The following IFI44 variants were observed in gnomAD, a reference collection of about 807,000 sequenced individuals.
The protein encoded by IFI44 is interferon induced protein 44, also known as interferon-induced protein 44.
Under a neutral mutation model 45.0 loss-of-function variants are expected in IFI44, and 42 were observed. The ratio of observed to expected loss-of-function variants is 0.93; its 90% confidence interval spans 0.73 to 1.21. IFI44 has a LOEUF of 1.21. Ranked by LOEUF, IFI44 falls within the 50% of genes most tolerant of loss-of-function variation. The probability of loss-of-function intolerance (pLI) is 0.00; values close to 1 mark genes in which losing one functional copy is unlikely to be tolerated. For missense variants in IFI44, 623 were observed against 525.8 expected, an observed-to-expected ratio of 1.18 and a Z score of -1.81; for synonymous variants, 221 against 188.6, an observed-to-expected ratio of 1.17 and a Z score of -1.41.
rs1037491414 is a variant in IFI44, at chr1:78,650,091, A to G, written c.-10-95A>G. 5 of 727,728 alleles carry G rather than the reference A, an allele frequency of 6.9e-6. No homozygotes were observed. In the Admixed American group the frequency reaches 1.6e-4, roughly 23 times the overall value. The allele number at this position is 727,728 out of a possible 1,614,324, so 45.1% of individuals were successfully genotyped here. ...CCTTTGTTTTGTCATTTTTTGTATT[A>G]TGTAGAGTATATAAGAGGCATAAAT... On this transcript the variant is annotated intron_variant, in intron 1 of 8. Transcript: ENST00000370747.
Position 78,649,909 on chromosome 1 carries a change from A to G in IFI44, c.-11+4A>G. 1 of 253,100 alleles carries G rather than the reference A, an allele frequency of 4.0e-6. No individual in the cohort carries two copies. Among genetic ancestry groups the G allele is most frequent in the Non-Finnish European group, 7.6e-6 (1 of 131,556 alleles). The allele number at this position is 253,100 out of a possible 1,614,324, so 15.7% of individuals were successfully genotyped here. A position where few individuals can be genotyped will look rare whatever the true frequency, so the allele number is the denominator to read the frequency against. On this transcript the variant is annotated splice_donor_region_variant and intron_variant, in intron 1 of 8. Transcript: ENST00000370747. ...GATACTACAGACAGTACAACAGGTA[A>G]ATGTCTTTCTGCTTTTCATTTTTCC...
chr1:78,657,714 G>T (rs61769988), intron 5 of IFI44, among the ~76,000 whole-genome samples: 1 of 151,968 alleles, frequency 6.6e-6, no homozygotes, highest in East Asian at 1.9e-4. Context: ...TTGCCTTTTT[G>T]CAAGACTTTG....
intron 7 of IFI44, among the ~76,000 whole-genome samples, chr1:78,661,153 C>G (rs1647428229): frequency 6.6e-6 from 1 of 152,152 alleles, no homozygotes. Flanking sequence ...ACCTCCGCCT[C>G]CTGGGTTCAA....
At chr1:78,652,052 C>T (rs1297261806) in intron 2 of IFI44, among the ~76,000 whole-genome samples, 1 of 151,810 alleles carries the variant, frequency 6.6e-6, no homozygotes, top group East Asian at 1.9e-4. Context: ...ACGACATTTT[C>T]AAGGCAGGCA....
At position 78,650,494 on chromosome 1, in the gene IFI44, T is replaced by C. The variant is rs755341190; in HGVS notation, c.299T>C (p.Leu100Pro). 3 of 1,613,896 alleles carry C rather than the reference T, an allele frequency of 1.9e-6. No homozygotes were observed. Among genetic ancestry groups the C allele is most frequent in the Non-Finnish European group, 2.5e-6 (3 of 1,179,912 alleles). ...WKLGLCTPET[L>P]FCCDVTKYNS... ...CTAGGACTATGTACACCAGAAACAC[T>C]GTTTTGTTGTGATGTTACAAAATAT... Residue 100 changes from leucine to proline, a missense_variant, in exon 2 of 9, where the codon CTG becomes CCG. Leu to Pro is a moderately conservative substitution (Grantham distance 98). Transcript: ENST00000370747.
Position 78,654,234 on chromosome 1 carries a change from T to G in IFI44, c.458-9T>G, listed in dbSNP as rs1557700608. 1 of 1,453,866 alleles carries G rather than the reference T, an allele frequency of 6.9e-7. No individual in the cohort carries two copies. The highest frequency in any genetic ancestry group is 1.2e-5 in the South Asian group (1 of 86,768). The allele number at this position is 1,453,866 out of a possible 1,614,324, so 90.1% of individuals were successfully genotyped here. A position where few individuals can be genotyped will look rare whatever the true frequency, so the allele number is the denominator to read the frequency against. On this transcript the variant is annotated splice_polypyrimidine_tract_variant and intron_variant, in intron 2 of 8. Coordinates refer to ENST00000370747, the MANE Select transcript of IFI44 (RefSeq NM_006417.5). ...TCTAATCTACATTATTCTTTGATTA[T>G]TTCCCCAGATTCACTGGATGAAAGA...
Position 78,663,827 on chromosome 1 carries a change from A to G in IFI44, c.*16A>G. The G allele has an allele frequency of 6.2e-7, 1 of 1,610,662 alleles. No homozygotes were observed. Among genetic ancestry groups the G allele is most frequent in the Non-Finnish European group, 8.5e-7 (1 of 1,178,590 alleles). On this transcript the variant is annotated 3_prime_UTR_variant, in exon 9 of 9. Transcript: ENST00000370747. ...AAAAAAATAGATATGTGAAAGGTTC[A>G]CGTAAATTTCCTCACATCACAGAAG...
intron 7 of IFI44, among the ~76,000 whole-genome samples, chr1:78,661,917 G>A (rs1175962110): frequency 6.6e-6 from 1 of 152,142 alleles, no homozygotes; most frequent in Non-Finnish European, 1.5e-5. Flanking sequence ...GGTTAGTGAA[G>A]GGCTGGATCT....
intron 7 of IFI44, among the ~76,000 whole-genome samples, chr1:78,661,079 T>G (rs1020520869): frequency 2.0e-5 from 3 of 152,216 alleles, no homozygotes; most frequent in African/African-American, 7.2e-5. Flanking sequence ...CAAAATTTAT[T>G]TTTTTGAGAT....
In IFI44 at chr1:78,655,463, G is replaced by C. The variant is rs751005596; in HGVS notation, c.792G>C (p.Arg264Ser). Residue 264 changes from arginine to serine, a missense_variant, in exon 5 of 9, where the codon AGG (arginine) becomes AGC (serine). Physicochemically the swap from Arg to Ser is moderately radical, Grantham distance 110. Transcript: ENST00000370747. ...GLSEKEGGLC[R>S]DDIFYILNGN... ...GTGAGAAAGAAGGCGGCCTGTGCAG[G>C]GATGACATATTCTATATCTTGAACG... 1.2e-6 allele frequency: 2 copies of C among 1,613,758 alleles called. No individual in the cohort carries two copies. The highest frequency in any genetic ancestry group is 3.3e-5 in the Admixed American group (2 of 59,994).
Position 78,659,365 on chromosome 1 carries a change from A to G in IFI44, c.894A>G (p.Pro298=). 1 of 1,613,478 alleles carries G rather than the reference A, an allele frequency of 6.2e-7. No homozygotes were observed. Among genetic ancestry groups the G allele is most frequent in the Non-Finnish European group, 8.5e-7 (1 of 1,179,472 alleles). ...KLNHHDYIDS[P]SLKDRIHCVA... ...ATCATCATGACTACATTGATTCCCCATCGCTGAAGGACAGAATTCATTGTG... is the reference window on the plus strand; with the variant it reads ...ATCATCATGACTACATTGATTCCCCGTCGCTGAAGGACAGAATTCATTGTG... The change falls in exon 6 of 9, where the codon CCA becomes CCG. Residue 298 remains proline, a synonymous_variant. Coordinates refer to ENST00000370747, the MANE Select transcript of IFI44 (RefSeq NM_006417.5).
intron 2 of IFI44, among the ~76,000 whole-genome samples, chr1:78,653,077 C>G (rs1030923932): frequency 6.6e-6 from 1 of 151,982 alleles, no homozygotes; most frequent in East Asian, 1.9e-4. Context: ...ATTTATTTTA[C>G]ATTTTAAAAT....
chr1:78,659,496 C>T lies in IFI44; in HGVS notation c.1012+13C>T. 1 of 1,603,010 alleles carries T rather than the reference C, an allele frequency of 6.2e-7. No homozygotes were observed. Among genetic ancestry groups the T allele is most frequent in the Middle Eastern group, 1.7e-4 (1 of 6,036 alleles). ...TTGGTAAACGCTGGTGAGTCTCATT[C>T]CACTTTGCTAAGGGTAATACCACTA... is the stretch of plus-strand genomic sequence containing the variant. On this transcript the variant is annotated intron_variant, in intron 6 of 8. Transcript: ENST00000370747.
chr1:78,653,866 T>C (rs1205649847), intron 2 of IFI44, among the ~76,000 whole-genome samples: 1 of 152,228 alleles, frequency 6.6e-6, no homozygotes, highest in Non-Finnish European at 1.5e-5. Context: ...AAATGTCTTA[T>C]TAGACATTCC....
At chr1:78,662,559 G>C in intron 7 of IFI44, 145 bp from the exon 8 acceptor site, 1 of 627,180 alleles carries the variant, frequency 1.6e-6, no homozygotes, top group Non-Finnish European at 2.8e-6. Flanking sequence ...TTCTTCAAGA[G>C]TACTTTGTGA....
intron 5 of IFI44, among the ~76,000 whole-genome samples, chr1:78,655,845 C>A (rs565113203): frequency 2.0e-5 from 3 of 152,190 alleles, no homozygotes; most frequent in African/African-American, 7.2e-5. Flanking sequence ...CTTCAGAGAT[C>A]CTTCTGACTT....
At position 78,655,059 on chromosome 1, in the gene IFI44, T is replaced by C; in HGVS notation, c.540T>C (p.Tyr180=). The C allele has an allele frequency of 6.2e-7, 1 of 1,613,906 alleles. No homozygotes were observed. The highest frequency in any genetic ancestry group is 8.5e-7 in the Non-Finnish European group (1 of 1,179,844). ...CTGCCTTGAGAACTTATGAACCATA[T>C]GGATCCCTGGTTCAACAAATACGAA... is the stretch of plus-strand genomic sequence containing the variant. ...LLSALRTYEP[Y]GSLVQQIRIL... The change falls in exon 4 of 9, where the codon TAT becomes TAC. Residue 180 remains tyrosine, a synonymous_variant. Transcript: ENST00000370747.
At chr1:78,650,825 G>A (rs1172879766) in intron 2 of IFI44, among the ~76,000 whole-genome samples, 173 bp downstream of exon 2, 5 of 152,200 alleles carry the variant, frequency 3.3e-5, no homozygotes, top group Admixed American at 6.5e-5. Context: ...TCAATAAAAT[G>A]TATATTTATG....
chr1:78,660,318 T>G (rs1223025168), intron 6 of IFI44, among the ~76,000 whole-genome samples: 2 of 152,148 alleles, frequency 1.3e-5, no homozygotes, highest in African/African-American at 4.8e-5. Context: ...TGGTTTCATT[T>G]GAGGCCTCAT....
Sources: allele counts gnomAD v4.1 joint callset (sites outside exome capture counted in the v4.1 genomes callset), GRCh38; gene constraint gnomAD v4.1.1; transcripts MANE v1.5; gene names NCBI Gene and HGNC (gene_info 2026-07-23, HGNC 2026-07-21).